Variants in FNTA observed in about 807,000 individuals in gnomAD.
FNTA encodes the protein farnesyltransferase, CAAX box, subunit alpha, also known as protein farnesyltransferase/geranylgeranyltransferase type-1 subunit alpha.
In FNTA, 27 loss-of-function variants were observed where a neutral mutation model predicts 55.2. The observed-to-expected ratio is 0.49, with a 90% CI of 0.36 to 0.67. The LOEUF (loss-of-function observed/expected upper bound fraction) is 0.67. Among genes scored for constraint, FNTA ranks in the 30% least tolerant of loss-of-function variants. FNTA has a pLI of 0.00. For missense variants in FNTA, 422 were observed against 464.7 expected, an observed-to-expected ratio of 0.91 and a Z score of 0.85; for synonymous variants, 176 against 170.7, an observed-to-expected ratio of 1.03 and a Z score of -0.24.
chr8:43,056,449 C>T lies in FNTA; in HGVS notation c.103C>T (p.His35Tyr), dbSNP rs752144653. The T allele has an allele frequency of 3.8e-6, 6 of 1,561,246 alleles. No homozygotes were observed. The highest frequency in any genetic ancestry group is 2.4e-5 in the South Asian group (2 of 83,936). ...QPHPPPPQQQ[H>Y]KEEMAAEAGE... ...GCACCCACCGCCGCCCCAGCAGCAG[C>T]ACAAGGAAGAGATGGCGGCCGAGGC... Residue 35 changes from histidine to tyrosine, a missense_variant, in exon 1 of 9, where the codon CAC becomes TAC. His to Tyr is a moderately conservative substitution (Grantham distance 83). Coordinates refer to ENST00000302279, the MANE Select transcript of FNTA (RefSeq NM_002027.3).
intron 5 of FNTA, among the ~76,000 whole-genome samples, chr8:43,072,576 A>G (rs993681086): frequency 1.3e-5 from 2 of 151,898 alleles, no homozygotes; most frequent in African/African-American, 4.8e-5. Flanking sequence ...AAAATACAAA[A>G]ATTAGCCATG....
At chr8:43,074,613 A>G (rs758310990) in intron 5 of FNTA, among the ~76,000 whole-genome samples, 1 of 152,322 alleles carries the variant, frequency 6.6e-6, no homozygotes, top group Admixed American at 6.5e-5. Flanking sequence ...CATACCGGCA[A>G]CAACTTGGAT....
chr8:43,063,542 A>C (rs1233257979), intron 2 of FNTA, among the ~76,000 whole-genome samples: 1 of 152,160 alleles, frequency 6.6e-6, no homozygotes, highest in African/African-American at 2.4e-5. Context: ...CAAAGCTCAG[A>C]GTGTGATGGG....
chr8:43,057,900 A>G (rs926872157), intron 1 of FNTA, among the ~76,000 whole-genome samples: 4 of 150,862 alleles, frequency 2.7e-5, no homozygotes, highest in Non-Finnish European at 2.9e-5. Flanking sequence ...AGAGGTTGCA[A>G]TGAGCGGAGA....
intron 8 of FNTA, 137 bp downstream of exon 8, chr8:43,085,018 G>A (rs1177769893): frequency 4.4e-6 from 5 of 1,128,186 alleles, no homozygotes; most frequent in East Asian, 2.4e-5. Flanking sequence ...GGGCAGCATT[G>A]ACATCACTTG....
rs760483945 is a variant in FNTA at position 43,077,327 on chromosome 8, G to A, written c.745G>A (p.Gly249Ser). 3.1e-6 allele frequency: 5 copies of A among 1,612,824 alleles called. No individual in the cohort carries two copies. The East Asian group carries it at 1.1e-4, about 36-fold the overall frequency. The change falls in exon 6 of 9, where the codon GGC (glycine) becomes AGC (serine). Residue 249 changes from glycine to serine, a missense_variant. Transcript: ENST00000302279. ...ATACTTCGTTATTTCTAACACCACTGGCTACAATGATCGTGCTGTATTGGA... is the reference window on the plus strand; with the variant it reads ...ATACTTCGTTATTTCTAACACCACTAGCTACAATGATCGTGCTGTATTGGA... ...QRYFVISNTT[G>S]YNDRAVLERE...
At chr8:43,074,674 C>T (rs930919603) in intron 5 of FNTA, among the ~76,000 whole-genome samples, 19 of 152,140 alleles carry the variant, frequency 1.2e-4, no homozygotes, top group Non-Finnish European at 4.4e-5. Flanking sequence ...AGGTTTCATA[C>T]TGTATGGCTC....
chr8:43,071,681 C>G (rs1810793145), intron 4 of FNTA, among the ~76,000 whole-genome samples: 2 of 143,970 alleles, frequency 1.4e-5, no homozygotes, highest in Admixed American at 7.2e-5. Flanking sequence ...GGAACAAGAG[C>G]GAGACTTCGT....
At position 43,056,436 on chromosome 8, in the gene FNTA, G is replaced by C. The variant is rs1563324192; in HGVS notation, c.90G>C (p.Pro30=). Residue 30 remains proline, a synonymous_variant, in exon 1 of 9, where the codon CCG becomes CCC. Coordinates refer to ENST00000302279, the MANE Select transcript of FNTA (RefSeq NM_002027.3). ...CCCCGCCCCAGCCGCACCCACCGCC[G>C]CCCCAGCAGCAGCACAAGGAAGAGA... ...AQPPPQPHPP[P]PQQQHKEEMA... is the part of the protein sequence containing the mutation. The C allele has an allele frequency of 6.5e-7, 1 of 1,543,800 alleles. No individual in the cohort carries two copies. The highest frequency in any genetic ancestry group is 2.5e-5 in the East Asian group (1 of 39,266).
intron 3 of FNTA, among the ~76,000 whole-genome samples, chr8:43,065,517 G>A (rs1173009053): frequency 6.6e-6 from 1 of 152,144 alleles, no homozygotes. Context: ...AAAGTACTGG[G>A]ATTATAGGCG....
intron 5 of FNTA, among the ~76,000 whole-genome samples, chr8:43,072,971 C>CTT (rs1366121115): frequency 3.3e-5 from 5 of 151,988 alleles, no homozygotes; most frequent in African/African-American, 1.2e-4. Context: ...TTTACAGTAA[C>CTT]TTAAGTTTTT....
intron 4 of FNTA, 31 bp downstream of exon 4, chr8:43,069,690 G>T (rs369603001): frequency 7.5e-5 from 105 of 1,404,956 alleles, no homozygotes; most frequent in Non-Finnish European, 1.0e-4. Context: ...TGTCTCCCAG[G>T]CTGGAGTGCA....
At chr8:43,067,799 A>C (rs1810695138) in intron 3 of FNTA, among the ~76,000 whole-genome samples, 1 of 152,140 alleles carries the variant, frequency 6.6e-6, no homozygotes, top group Non-Finnish European at 1.5e-5. Flanking sequence ...GGCTCACTGC[A>C]ACCTCCGTCA....
intron 3 of FNTA, 74 bp from the exon 4 acceptor site, chr8:43,069,481 T>C: frequency 1.1e-6 from 1 of 921,412 alleles, no homozygotes; most frequent in Non-Finnish European, 1.8e-6. Context: ...TGCTGACTTG[T>C]AGCTGTATTT....
intron 5 of FNTA, among the ~76,000 whole-genome samples, chr8:43,072,808 G>T (rs1810823393): frequency 1.3e-5 from 2 of 152,078 alleles, no homozygotes. Context: ...CTCTTTGGAT[G>T]TAGTAAATTT....
Position 43,056,408 on chromosome 8 carries a change from A to T in FNTA, c.62A>T (p.Gln21Leu). The change falls in exon 1 of 9, where the codon CAA becomes CTA. Residue 21 changes from glutamine to leucine, a missense_variant. Gln to Leu is a moderately radical substitution (Grantham distance 113). Transcript: ENST00000302279. ...GGGGGCGAGCCCGGGCAGCCGGCGC[A>T]ACCCCCGCCCCAGCCGCACCCACCG... ...AQGGEPGQPA[Q>L]PPPQPHPPPP... is the part of the protein sequence containing the mutation. The T allele has an allele frequency of 2.0e-6, 3 of 1,516,998 alleles. No homozygotes were observed. Among genetic ancestry groups the T allele is most frequent in the Non-Finnish European group, 2.6e-6 (3 of 1,135,454 alleles). 94.0% of individuals were successfully genotyped at this position (1,516,998 alleles called of 1,614,324 possible).
At chr8:43,067,746 G>T (rs1044630781) in intron 3 of FNTA, among the ~76,000 whole-genome samples, 1 of 150,868 alleles carries the variant, frequency 6.6e-6, no homozygotes, top group African/African-American at 2.5e-5. Context: ...TTGAGATGGA[G>T]TCTCACGCTG....
At chr8:43,079,471 G>GT (rs923529205) in intron 6 of FNTA, 22 of 153,598 alleles carry the variant, frequency 1.4e-4, no homozygotes, top group African/African-American at 5.3e-4. Context: ...CAGCACATCT[G>GT]TTTACAGCAT....
chr8:43,082,404 T>G (rs942234276), intron 6 of FNTA: 9 of 152,250 alleles, frequency 5.9e-5, no homozygotes, highest in African/African-American at 1.7e-4. Context: ...AAAGATTATG[T>G]AAATTCTCCT....
Sources: gnomAD v4.1 joint callset for allele counts (sites outside exome capture counted in the v4.1 genomes callset) on GRCh38, gnomAD v4.1.1 for gene constraint, MANE v1.5 for transcripts, NCBI Gene and HGNC (gene_info 2026-07-23, HGNC 2026-07-21) for gene names.